The following RGS22 variants were observed in gnomAD, a reference collection of about 807,000 sequenced individuals.
RGS22 encodes regulator of G-protein signaling 22.
A neutral mutation model predicts 172.9 loss-of-function variants in RGS22; 148 were observed. The observed-to-expected ratio is 0.86, with a 90% CI of 0.75 to 0.98. RGS22 has a LOEUF of 0.98. Ranked by LOEUF, RGS22 falls within the 50% of genes least tolerant of loss-of-function variation. The pLI is 0.00. For synonymous variants in RGS22, 458 were observed against 480.2 expected, an observed-to-expected ratio of 0.95 and a Z score of 0.60; for missense variants, 1,347 against 1,440.8, an observed-to-expected ratio of 0.93 and a Z score of 1.05.
chr8:100,051,686 TATATATTTATATATACGTATATATAA>T (rs1221283877), intron 10 of RGS22, among the ~76,000 whole-genome samples: 449 of 41,904 alleles, frequency 0.011, 158 homozygotes, highest in African/African-American at 0.063. Flanking sequence ...TTTATACATA[TATATATTTATATATACGTATATATAA>T]ATATATATTT....
chr8:99,994,644 C>T lies in RGS22; in HGVS notation c.3018+1818G>A, dbSNP rs141005468. Reference sequence around the variant, plus strand: ...CAAACAAATGGAAGAACTTTCCATGCTCATGGATAGGAGGAATCAATATTG... The same window carrying T: ...CAAACAAATGGAAGAACTTTCCATGTTCATGGATAGGAGGAATCAATATTG... On this transcript the variant is annotated intron_variant, in intron 20 of 27. Coordinates refer to ENST00000360863, the MANE Select transcript of RGS22 (RefSeq NM_015668.5). Among the ~76,000 whole-genome samples, 733 of 152,266 alleles carry T rather than the reference C, an allele frequency of 4.8e-3. 8 individuals carry two copies. The highest frequency in any genetic ancestry group is 0.032 in the South Asian group (153 of 4,820).
intron 1 of RGS22, 136 bp downstream of exon 1, chr8:100,105,761 G>A (rs951314890): frequency 5.6e-6 from 4 of 712,564 alleles, no homozygotes; most frequent in East Asian, 3.2e-5. Flanking sequence ...CAACAGGAGG[G>A]CAGTGAAGCC....
chr8:99,978,098 T>G (rs1183645080), intron 22 of RGS22, 23 bp from the exon 23 acceptor site: 1 of 1,412,060 alleles, frequency 7.1e-7, no homozygotes, highest in Admixed American at 2.7e-5. Context: ...AAGTCTAAGA[T>G]TACAATTTTA....
intron 20 of RGS22, among the ~76,000 whole-genome samples, chr8:99,987,871 T>C (rs192240060): frequency 2.2e-4 from 33 of 152,236 alleles, no homozygotes; most frequent in African/African-American, 7.9e-4. Flanking sequence ...TTAACAGTTA[T>C]TACAGCTTGA....
chr8:100,044,278 A>C (rs1440160716), intron 11 of RGS22, among the ~76,000 whole-genome samples: 1 of 152,070 alleles, frequency 6.6e-6, no homozygotes, highest in Admixed American at 6.5e-5. Context: ...TGAGAGCCTC[A>C]CTCTGTCGCC....
rs1811643155 is a variant in RGS22, at chr8:100,080,149, G to A, written c.324C>T (p.Val108=). The A allele has an allele frequency of 1.3e-6, 2 of 1,599,606 alleles. No homozygotes were observed. Among genetic ancestry groups the A allele is most frequent in the Non-Finnish European group, 1.7e-6 (2 of 1,167,930 alleles). Residue 108 remains valine (V), a synonymous_variant, in exon 4 of 28, where the codon GTC becomes GTT. Coordinates refer to ENST00000360863, the MANE Select transcript of RGS22 (RefSeq NM_015668.5). The part of the protein sequence containing the change: ...NAPDEDETIN[V]NYNIMCLSRE... The stretch of plus-strand genomic sequence containing the variant: ...ACTTTCTTACCATAATATTGTAGTT[G>A]ACATTAATGGTCTCATCTTCATCGG...
chr8:100,016,522 A>G (rs1298980051), intron 14 of RGS22, among the ~76,000 whole-genome samples: 1 of 152,206 alleles, frequency 6.6e-6, no homozygotes, highest in Non-Finnish European at 1.5e-5. Flanking sequence ...TCACACCTGT[A>G]ACCCCAGCAC....
At chr8:100,026,682 AT>A (rs1345288133) in intron 14 of RGS22, among the ~76,000 whole-genome samples, 1 of 152,192 alleles carries the variant, frequency 6.6e-6, no homozygotes. Flanking sequence ...TTAAAATTTC[AT>A]TTGGCTATAG....
chr8:100,011,950 C>T (rs757196962), intron 14 of RGS22, among the ~76,000 whole-genome samples: 3 of 151,644 alleles, frequency 2.0e-5, no homozygotes, highest in African/African-American at 4.8e-5. Context: ...ATGATAATAA[C>T]GAATAAAGTC....
intron 14 of RGS22, among the ~76,000 whole-genome samples, chr8:100,022,809 A>G (rs1299356793): frequency 6.6e-6 from 1 of 152,074 alleles, no homozygotes; most frequent in African/African-American, 2.4e-5. Context: ...GCAGTGGCGC[A>G]GTCTCAGCTG....
At chr8:99,963,684 T>C (rs1810436941) in intron 24 of RGS22, among the ~76,000 whole-genome samples, 2 of 152,332 alleles carry the variant, frequency 1.3e-5, no homozygotes, top group South Asian at 4.1e-4. Context: ...ACTTCTGCTA[T>C]AGTATACTTA....
chr8:99,980,110 T>G (rs1167962471), intron 22 of RGS22, among the ~76,000 whole-genome samples: 3 of 152,196 alleles, frequency 2.0e-5, no homozygotes, highest in Non-Finnish European at 4.4e-5. Flanking sequence ...AATTATTATT[T>G]GTAGAGACAG....
intron 18 of RGS22, among the ~76,000 whole-genome samples, chr8:100,000,888 C>T (rs1487167907): frequency 2.6e-5 from 4 of 152,084 alleles, no homozygotes; most frequent in Non-Finnish European, 5.9e-5. Flanking sequence ...CTCCTGCACC[C>T]CAAAGATCTA....
At chr8:100,059,305 G>T (rs1188282402) in intron 9 of RGS22, among the ~76,000 whole-genome samples, 1 of 152,048 alleles carries the variant, frequency 6.6e-6, no homozygotes, top group African/African-American at 2.4e-5. Context: ...TGATATTGAT[G>T]TAAATGGGCT....
Position 100,063,409 on chromosome 8 carries a change from G to T in RGS22, c.1352+7C>A. 1 of 1,499,804 alleles carries T rather than the reference G, an allele frequency of 6.7e-7. No homozygotes were observed. Among genetic ancestry groups the T allele is most frequent in the South Asian group, 1.4e-5 (1 of 70,538 alleles). The allele number at this position is 1,499,804 out of a possible 1,614,324, so 92.9% of individuals were successfully genotyped here. On this transcript the variant is annotated splice_region_variant and intron_variant, in intron 8 of 27. Coordinates refer to ENST00000360863, the MANE Select transcript of RGS22 (RefSeq NM_015668.5). ...AAAACTATTGAAAAATAAAAAAATA[G>T]AATTACCTTTGATGTCTTCCAGGAT...
intron 6 of RGS22, among the ~76,000 whole-genome samples, chr8:100,069,728 C>A (rs1810804183): frequency 6.6e-6 from 1 of 152,152 alleles, no homozygotes; most frequent in Non-Finnish European, 1.5e-5. Context: ...CCAGGTGACA[C>A]AGCATGTTCT....
chr8:99,970,696 G>A (rs1811245363), intron 23 of RGS22, among the ~76,000 whole-genome samples: 1 of 152,100 alleles, frequency 6.6e-6, no homozygotes, highest in South Asian at 2.1e-4. Flanking sequence ...TCGAATCCCT[G>A]AATAGACCAA....
intron 14 of RGS22, among the ~76,000 whole-genome samples, chr8:100,016,493 T>C (rs1480411584): frequency 6.6e-6 from 1 of 151,916 alleles, no homozygotes; most frequent in Non-Finnish European, 1.5e-5. Flanking sequence ...TAATACACTC[T>C]CCTGCTGGGT....
intron 14 of RGS22, among the ~76,000 whole-genome samples, chr8:100,035,868 A>G (rs1008980575): frequency 6.6e-6 from 1 of 152,158 alleles, no homozygotes; most frequent in African/African-American, 2.4e-5. Flanking sequence ...ACAGAAAACC[A>G]AACACTGCAT....
Sources: gnomAD v4.1 joint callset for allele counts (sites outside exome capture counted in the v4.1 genomes callset) on GRCh38, gnomAD v4.1.1 for gene constraint, MANE v1.5 for transcripts, NCBI Gene and HGNC (gene_info 2026-07-23, HGNC 2026-07-21) for gene names.